Variants in LRIG1 observed in about 807,000 individuals in gnomAD.
LRIG1 encodes the protein leucine-rich repeats and immunoglobulin-like domains protein 1.
A neutral mutation model predicts 99.2 loss-of-function variants in LRIG1; 48 were observed. The observed-to-expected ratio is 0.48, with a 90% CI of 0.38 to 0.62. The LOEUF is 0.62. Ranked by LOEUF, LRIG1 falls within the 20% of genes least tolerant of loss-of-function variation. LRIG1 has a pLI of 0.00. For missense variants in LRIG1, 1,646 were observed against 1,434.4 expected (o/e 1.15, Z -2.38); for synonymous variants, 772 against 596.1 (o/e 1.29, Z -4.30).
rs750243060 is a variant in LRIG1, at chr3:66,384,072, T to C, written c.1990A>G (p.Ile664Val). The stretch of plus-strand genomic sequence containing the variant: ...CAGCTGTAAACCCCTGCGTCATCTA[T>C]TTTCACATCAGTGATGAAAAACACG... ...DDVFFITDVK[I>V]DDAGVYSCTA... The change falls in exon 14 of 19, where the codon ATA becomes GTA. Residue 664 changes from isoleucine to valine, a missense_variant. By Grantham distance (29) the Ile-to-Val change is conservative. Coordinates refer to ENST00000273261, the MANE Select transcript of LRIG1 (RefSeq NM_015541.3). 1.5e-5 allele frequency: 24 copies of C among 1,614,024 alleles called. No homozygotes were observed. The highest frequency in any genetic ancestry group is 2.0e-5 in the Non-Finnish European group (24 of 1,180,032).
At chr3:66,383,513 T>G (rs9872772) in intron 14 of LRIG1, 112 bp from the exon 15 acceptor site, 234,934 of 964,642 alleles carry the variant, frequency 0.24, 33,680 homozygotes, top group African/African-American at 0.56. Context: ...GCATCTGAGA[T>G]TCTGTCTCAG....
At chr3:66,398,272 C>G (rs1258976903) in intron 10 of LRIG1, 89 bp from the exon 11 acceptor site, 2 of 964,150 alleles carry the variant, frequency 2.1e-6, no homozygotes, top group African/African-American at 3.2e-5. Context: ...AGATGACCCA[C>G]AGGGACTAGC....
chr3:66,397,262 T>A (rs1701885848), intron 11 of LRIG1, among the ~76,000 whole-genome samples: 1 of 152,052 alleles, frequency 6.6e-6, no homozygotes, highest in Non-Finnish European at 1.5e-5. Context: ...AGTCCCAGCC[T>A]CCCTGCCCCA....
chr3:66,410,102 C>T (rs1199367544), intron 7 of LRIG1, 27 bp downstream of exon 7: 25 of 1,589,512 alleles, frequency 1.6e-5, no homozygotes, highest in Non-Finnish European at 2.1e-5. Context: ...AAAAACACTG[C>T]CACAGCCCAG....
At chr3:66,472,765 C>T (rs1280393059) in intron 1 of LRIG1, among the ~76,000 whole-genome samples, 21 of 152,090 alleles carry the variant, frequency 1.4e-4, no homozygotes, top group Admixed American at 1.4e-3. Context: ...CCTCTGGGTG[C>T]GACAGACACA....
chr3:66,465,956 A>C (rs1177181440), intron 1 of LRIG1, among the ~76,000 whole-genome samples: 1 of 152,194 alleles, frequency 6.6e-6, no homozygotes, highest in African/African-American at 2.4e-5. Flanking sequence ...AGATTATAGA[A>C]TATTTGTCCT....
intron 1 of LRIG1, chr3:66,469,043 A>C (rs1700539585): frequency 6.6e-6 from 1 of 152,314 alleles, no homozygotes; most frequent in Middle Eastern, 3.4e-3. Context: ...GAACAAGCGG[A>C]TAATGCACAT....
intron 2 of LRIG1, among the ~76,000 whole-genome samples, chr3:66,454,335 A>G (rs1704000175): frequency 6.6e-6 from 1 of 152,248 alleles, no homozygotes; most frequent in Admixed American, 6.5e-5. Flanking sequence ...TTCTTGCCAG[A>G]CTGAAATAGA....
chr3:66,413,847 G>A (rs1406137461), intron 5 of LRIG1, among the ~76,000 whole-genome samples: 1 of 152,176 alleles, frequency 6.6e-6, no homozygotes, highest in Non-Finnish European at 1.5e-5. Flanking sequence ...TAGGATGAGA[G>A]CCAGGCACAC....
chr3:66,455,047 C>A (rs1215274526), intron 2 of LRIG1, among the ~76,000 whole-genome samples: 2 of 152,132 alleles, frequency 1.3e-5, no homozygotes, highest in East Asian at 3.9e-4. Flanking sequence ...TGGGTTCAAG[C>A]GATTCTCCTG....
chr3:66,435,131 C>A (rs896653989), intron 3 of LRIG1, among the ~76,000 whole-genome samples: 1 of 152,196 alleles, frequency 6.6e-6, no homozygotes, highest in Non-Finnish European at 1.5e-5. Flanking sequence ...ACGACACATA[C>A]AATAACCTAG....
intron 1 of LRIG1, among the ~76,000 whole-genome samples, chr3:66,484,868 C>G (rs1211324577): frequency 6.6e-6 from 1 of 152,138 alleles, no homozygotes; most frequent in Non-Finnish European, 1.5e-5. Flanking sequence ...AAAATTTATA[C>G]TACAGGCTAG....
At chr3:66,452,731 T>C (rs1327410544) in intron 2 of LRIG1, among the ~76,000 whole-genome samples, 3 of 151,948 alleles carry the variant, frequency 2.0e-5, no homozygotes, top group Non-Finnish European at 4.4e-5. Context: ...CCATCTTTTA[T>C]AGAAGTGAAT....
At chr3:66,385,119 C>G (rs988841447) in intron 13 of LRIG1, among the ~76,000 whole-genome samples, 3 of 152,152 alleles carry the variant, frequency 2.0e-5, no homozygotes, top group Non-Finnish European at 4.4e-5. Flanking sequence ...TGGGGTGGGA[C>G]AGTAAACTCT....
chr3:66,491,998 T>C (rs1701112058), intron 1 of LRIG1, among the ~76,000 whole-genome samples: 1 of 152,224 alleles, frequency 6.6e-6, no homozygotes, highest in Admixed American at 6.5e-5. Context: ...AGCTATGTAT[T>C]TCAGATCATC....
intron 12 of LRIG1, among the ~76,000 whole-genome samples, chr3:66,389,757 T>G (rs1400441479): frequency 3.3e-5 from 5 of 152,150 alleles, no homozygotes; most frequent in Non-Finnish European, 7.4e-5. Flanking sequence ...CGGATAGAAC[T>G]AGTCAGAAGA....
chr3:66,383,184 A>G lies in LRIG1; in HGVS notation c.2289T>C (p.Cys763=), dbSNP rs751402873. 3 of 1,613,816 alleles carry G rather than the reference A, an allele frequency of 1.9e-6. No individual in the cohort carries two copies. The South Asian group carries it at 3.3e-5, about 18-fold the overall frequency. ...CCGTGCCCAGGGTGTTGGACATCTC[A>G]CAGGTATATCGGCCCGCATCCTCTG... ...VVAEDAGRYT[C]EMSNTLGTER... The change falls in exon 15 of 19, where the codon TGT becomes TGC. Residue 763 remains cysteine (C), a synonymous_variant. Transcript: ENST00000273261.
At chr3:66,405,880 G>A (rs1702251721) in intron 8 of LRIG1, 2 of 1,076,522 alleles carry the variant, frequency 1.9e-6, no homozygotes, top group South Asian at 2.4e-5. Context: ...AGAGGGATGA[G>A]GCCAACTCAG....
At chr3:66,407,028 G>A (rs1043994198) in intron 8 of LRIG1, among the ~76,000 whole-genome samples, 2 of 152,316 alleles carry the variant, frequency 1.3e-5, no homozygotes, top group South Asian at 4.1e-4. Context: ...GGCGCTCAGC[G>A]TGGGGAAGCT....
Sources: allele counts gnomAD v4.1 joint callset (sites outside exome capture counted in the v4.1 genomes callset), GRCh38; gene constraint gnomAD v4.1.1; transcripts MANE v1.5; gene names NCBI Gene and HGNC (gene_info 2026-07-23, HGNC 2026-07-21).